The following NAV2 variants were observed in gnomAD, a reference collection of about 807,000 sequenced individuals.
The protein encoded by NAV2 is neuron navigator 2.
NAV2 carries 54 observed loss-of-function variants against 223.2 expected under a neutral mutation model. The observed-to-expected ratio is 0.24, with a 90% confidence interval of 0.19 to 0.30. The LOEUF (loss-of-function observed/expected upper bound fraction) is 0.30. Among genes scored for constraint, NAV2 ranks in the 10% least tolerant of loss-of-function variants. NAV2 has a pLI of 1.00. For synonymous variants in NAV2, 1,279 were observed against 1,239.3 expected (o/e 1.03, Z -0.67); for missense variants, 2,806 against 3,147.5 (o/e 0.89, Z 2.60).
At chr11:19,389,046 G>C (rs1849148543) in intron 1 of NAV2, among the ~76,000 whole-genome samples, 1 of 152,226 alleles carries the variant, frequency 6.6e-6, no homozygotes, top group South Asian at 2.1e-4. Flanking sequence ...TTTTTTACCA[G>C]CCTCCTCTCT....
intron 3 of NAV2, among the ~76,000 whole-genome samples, chr11:19,864,306 C>T (rs968458734): frequency 6.6e-6 from 1 of 152,166 alleles, no homozygotes; most frequent in Non-Finnish European, 1.5e-5. Context: ...GATGGTCTTC[C>T]TTTGCATTAA....
intron 1 of NAV2, among the ~76,000 whole-genome samples, chr11:19,521,791 C>T (rs569486026): frequency 2.6e-5 from 4 of 152,290 alleles, no homozygotes; most frequent in African/African-American, 9.6e-5. Flanking sequence ...TGCCAACGGT[C>T]GCTCCAGCAG....
At chr11:19,648,352 T>G (rs1274898469) in intron 1 of NAV2, among the ~76,000 whole-genome samples, 1 of 152,194 alleles carries the variant, frequency 6.6e-6, no homozygotes, top group African/African-American at 2.4e-5. Context: ...TGGCAGTAAC[T>G]TGACATCAGC....
rs538109655 is a variant in NAV2, at chr11:19,641,579, T to C, written c.76-190905T>C. Among the ~76,000 whole-genome samples, 3 of 151,974 alleles carry C rather than the reference T, an allele frequency of 2.0e-5. No individual in the cohort carries two copies. The South Asian group carries it at 6.3e-4, about 32-fold the overall frequency. The stretch of plus-strand genomic sequence containing the variant: ...GTCTGACTGTACAATCTCCTCTCTT[T>C]CCACTTCCATTTTTGCTTACTACAC... On this transcript the variant is annotated intron_variant, in intron 1 of 37. Coordinates refer to the NAV2 transcript ENST00000360655.
At chr11:19,381,858 G>T (rs1258261803) in intron 1 of NAV2, among the ~76,000 whole-genome samples, 1 of 152,186 alleles carries the variant, frequency 6.6e-6, no homozygotes, top group Admixed American at 6.5e-5. Flanking sequence ...GAACTAATTA[G>T]GTTCCTTTTA....
chr11:19,618,393 G>GATGTATGT (rs796800924), intron 1 of NAV2, among the ~76,000 whole-genome samples: 3 of 19,772 alleles, frequency 1.5e-4, no homozygotes, highest in African/African-American at 2.2e-4. Context: ...TGGATGGATG[G>GATGTATGT]ATGAATAGAT....
intron 1 of NAV2, chr11:19,760,023 C>G (rs1344959572): frequency 5.2e-5 from 8 of 153,966 alleles, no homozygotes; most frequent in Non-Finnish European, 7.3e-5. Context: ...AGGTGTTATC[C>G]TGTCCATTTG....
At chr11:19,772,267 G>A in intron 1 of NAV2, among the ~76,000 whole-genome samples, 1 of 152,104 alleles carries the variant, frequency 6.6e-6, no homozygotes, top group East Asian at 1.9e-4. Flanking sequence ...GCATTTCTGG[G>A]GTTTCATTTC....
At chr11:20,010,300 G>T (rs951965974) in intron 11 of NAV2, among the ~76,000 whole-genome samples, 4 of 152,178 alleles carry the variant, frequency 2.6e-5, no homozygotes, top group African/African-American at 9.7e-5. Flanking sequence ...TGGTTTTGCA[G>T]ACCTTTGATT....
chr11:19,439,964 C>T (rs149055837), intron 1 of NAV2, among the ~76,000 whole-genome samples: 2 of 152,280 alleles, frequency 1.3e-5, no homozygotes, highest in African/African-American at 4.8e-5. Flanking sequence ...ATTACAAGTA[C>T]AATTTTTAAA....
intron 1 of NAV2, among the ~76,000 whole-genome samples, chr11:19,623,115 A>G (rs2047056639): frequency 6.6e-6 from 1 of 152,162 alleles, no homozygotes; most frequent in Non-Finnish European, 1.5e-5. Flanking sequence ...TAGCTTATAG[A>G]GTTTCTGCTG....
chr11:19,768,153 G>A lies in NAV2; in HGVS notation c.267+54191G>A, dbSNP rs142320984. Among the ~76,000 whole-genome samples the A allele has an allele frequency of 4.2e-4, 64 of 152,344 alleles. No individual in the cohort carries two copies. In the East Asian group the frequency reaches 0.012, roughly 28 times the overall value. On this transcript the variant is annotated intron_variant, in intron 1 of 37. Coordinates refer to ENST00000349880, the MANE Select transcript of NAV2 (RefSeq NM_145117.5). ...TTCATCCGGGATGGGCGTCCTGCAC[G>A]CACGTTGAGTGGCTCTCAGGAAAAC...
chr11:19,346,229 T>C (rs1238282282), upstream of NAV2, among the ~76,000 whole-genome samples: 1 of 152,174 alleles, frequency 6.6e-6, no homozygotes, highest in Admixed American at 6.5e-5. Flanking sequence ...CGTCTGTAAG[T>C]CTGTATGTGT....
chr11:19,799,984 C>A (rs1028764286), intron 1 of NAV2, among the ~76,000 whole-genome samples: 3 of 152,158 alleles, frequency 2.0e-5, no homozygotes, highest in Admixed American at 6.5e-5. Flanking sequence ...TGGGTTTCAG[C>A]CCAGGGCTGC....
At chr11:19,466,479 G>C (rs541036437) in intron 1 of NAV2, among the ~76,000 whole-genome samples, 1 of 152,222 alleles carries the variant, frequency 6.6e-6, no homozygotes, top group Non-Finnish European at 1.5e-5. Flanking sequence ...AAAGCCAGCT[G>C]CTGCTCAGAG....
At chr11:19,954,032 G>A (rs972478853) in intron 10 of NAV2, among the ~76,000 whole-genome samples, 8 of 152,130 alleles carry the variant, frequency 5.3e-5, no homozygotes, top group Non-Finnish European at 8.8e-5. Flanking sequence ...TATATAACTC[G>A]CTACCACACG....
intron 1 of NAV2, among the ~76,000 whole-genome samples, chr11:19,669,627 C>T (rs1418678059): frequency 6.6e-6 from 1 of 152,248 alleles, no homozygotes; most frequent in Non-Finnish European, 1.5e-5. Flanking sequence ...CCTTCCACCG[C>T]CAGTGAGATC....
At chr11:19,849,766 T>C (rs2165802) in intron 3 of NAV2, among the ~76,000 whole-genome samples, 17,574 of 152,212 alleles carry the variant, frequency 0.12, 1,151 homozygotes, top group African/African-American at 0.15. Flanking sequence ...CCACTTAGAA[T>C]TTAAAGCAAA....
intron 1 of NAV2, among the ~76,000 whole-genome samples, chr11:19,612,439 T>C (rs1032021212): frequency 2.0e-5 from 3 of 152,234 alleles, no homozygotes; most frequent in Non-Finnish European, 4.4e-5. Flanking sequence ...TCCAAACTTT[T>C]ATGCTCTGCT....
Sources: gnomAD v4.1 joint callset for allele counts (sites outside exome capture counted in the v4.1 genomes callset) on GRCh38, gnomAD v4.1.1 for gene constraint, MANE v1.5 for transcripts, NCBI Gene and HGNC (gene_info 2026-07-23, HGNC 2026-07-21) for gene names.